RNF123: variants seen among roughly 807,000 people sequenced by gnomAD.
RNF123 encodes E3 ubiquitin-protein ligase RNF123.
RNF123 carries 86 observed loss-of-function variants against 168.5 expected under a neutral mutation model. The ratio of observed to expected loss-of-function variants is 0.51; its 90% confidence interval spans 0.43 to 0.61. The LOEUF (loss-of-function observed/expected upper bound fraction) is 0.61, where lower values mean the gene tolerates loss of function less well. Among genes scored for constraint, RNF123 ranks in the 20% least tolerant of loss-of-function variants. The pLI, the probability that RNF123 is intolerant of heterozygous loss-of-function variation, is 0.00. For missense variants in RNF123, 1,419 were observed against 1,729.7 expected (o/e 0.82, Z 3.19); for synonymous variants, 666 against 689.1 (o/e 0.97, Z 0.52).
chr3:49,715,478 T>C, intron 31 of RNF123, 97 bp from the exon 32 acceptor site: 1 of 1,464,068 alleles, frequency 6.8e-7, no homozygotes, highest in Non-Finnish European at 9.4e-7. Context: ...CATCTTTCTG[T>C]CCTTATACCA....
At chr3:49,718,146 CGGTGT>C (rs1275945400) in intron 35 of RNF123, 2 of 1,613,186 alleles carry the variant, frequency 1.2e-6, no homozygotes, top group Admixed American at 3.3e-5. Context: ...GTGCGTCTGG[CGGTGT>C]GGTGCTGAGT....
At chr3:49,718,556 C>T in intron 35 of RNF123, 1 of 1,613,160 alleles carries the variant, frequency 6.2e-7, no homozygotes, top group Non-Finnish European at 8.5e-7. Flanking sequence ...ATGGCCGGGA[C>T]GCTGGTGTTG....
Position 49,721,425 on chromosome 3 carries a change from G to C in RNF123, c.*120G>C. 1 of 1,344,790 alleles carries C rather than the reference G, an allele frequency of 7.4e-7. No homozygotes were observed. The highest frequency in any genetic ancestry group is 1.1e-6 in the Non-Finnish European group (1 of 937,006). 83.3% of individuals were successfully genotyped at this position (1,344,790 alleles called of 1,614,324 possible). On this transcript the variant is annotated 3_prime_UTR_variant, in exon 39 of 39. Transcript: ENST00000327697. ...CCACACCACCACATCCAACCTCCTTGCCTGCCTGTATCCTCATTGGTGGGA... is the reference window on the plus strand; with the variant it reads ...CCACACCACCACATCCAACCTCCTTCCCTGCCTGTATCCTCATTGGTGGGA...
intron 13 of RNF123, 47 bp downstream of exon 13, chr3:49,700,399 T>G: frequency 1.2e-6 from 2 of 1,612,866 alleles, no homozygotes; most frequent in South Asian, 2.2e-5. Context: ...CAGTCTTCAC[T>G]GGGGTCGGGA....
At chr3:49,719,068 C>G (rs776512535) in intron 35 of RNF123, 3 of 1,613,688 alleles carry the variant, frequency 1.9e-6, no homozygotes, top group Admixed American at 1.7e-5. Flanking sequence ...CTCCAGCGCC[C>G]CCAGCCCGTC....
chr3:49,701,653 C>T (rs1491986), intron 16 of RNF123, 45 bp downstream of exon 16: 828,163 of 1,552,088 alleles, frequency 0.53, 226,704 homozygotes, highest in East Asian at 0.79. Context: ...TGGCAAGGCC[C>T]CTGGCCTGGG....
At position 49,701,505 on chromosome 3, in the gene RNF123, G is replaced by A. The variant is rs2054384119; in HGVS notation, c.1292G>A (p.Arg431His). ...LLSNVLFDVL[R>H]SVVFFYIKSP... is the part of the protein sequence containing the mutation. Reference sequence around the variant, plus strand: ...ACACCCGCCAGCTTCGACGTGCTCCGCTCCGTCGTCTTCTTTTACATCAAG... The same window carrying A: ...ACACCCGCCAGCTTCGACGTGCTCCACTCCGTCGTCTTCTTTTACATCAAG... The change falls in exon 16 of 39, where the codon CGC becomes CAC. Residue 431 changes from arginine to histidine, a missense_variant. Arg to His is a conservative substitution (Grantham distance 29). Around this residue, in one of 5 missense-constraint regions of RNF123, gnomAD observed 349 missense variants for 344.9 expected, o/e 1.01. Coordinates refer to ENST00000327697, the MANE Select transcript of RNF123 (RefSeq NM_022064.5). The A allele has an allele frequency of 1.2e-6, 2 of 1,613,588 alleles. No homozygotes were observed. The highest frequency in any genetic ancestry group is 1.7e-6 in the Non-Finnish European group (2 of 1,179,868).
chr3:49,706,417 G>A (rs1472283692), intron 25 of RNF123, among the ~76,000 whole-genome samples: 1 of 152,238 alleles, frequency 6.6e-6, no homozygotes, highest in East Asian at 1.9e-4. Context: ...CCTAGCCCAG[G>A]AAGGTGGGGC....
In RNF123 at chr3:49,699,654, C is replaced by T; in HGVS notation, c.880-14C>T. On this transcript the variant is annotated splice_polypyrimidine_tract_variant and intron_variant, in intron 11 of 38. Coordinates refer to ENST00000327697, the MANE Select transcript of RNF123 (RefSeq NM_022064.5). The surrounding 1 kb of genome is among the most constrained non-coding windows in gnomAD (Gnocchi z 4.8). ...CCTGCCCCTCACACTTCTCCCTCCT[C>T]CCCCTCCACACAGGAGGGGCGGCTG... is the stretch of plus-strand genomic sequence containing the variant. The T allele has an allele frequency of 6.2e-7, 1 of 1,612,576 alleles. No individual in the cohort carries two copies.
rs1004716062 is a variant in RNF123 at position 49,697,945 on chromosome 3, AC to A, written c.397+8del. On this transcript the variant is annotated splice_region_variant and intron_variant, in intron 6 of 38. Transcript: ENST00000327697. ...TACCACATGCGTGTACAAAGGTGAGACCTTACCCTGCTGTGGCCTAGGTAGT... is the reference window on the plus strand; with the variant it reads ...TACCACATGCGTGTACAAAGGTGAGACTTACCCTGCTGTGGCCTAGGTAGT... 6.2e-7 allele frequency: 1 copy of A among 1,614,048 alleles called. No homozygotes were observed. The highest frequency in any genetic ancestry group is 1.3e-5 in the African/African-American group (1 of 74,918).
In RNF123 at chr3:49,721,339, C is replaced by T. The variant is rs1553691516; in HGVS notation, c.*34C>T. The T allele has an allele frequency of 6.2e-7, 1 of 1,614,076 alleles. No homozygotes were observed. Among genetic ancestry groups the T allele is most frequent in the Admixed American group, 1.7e-5 (1 of 60,018 alleles). On this transcript the variant is annotated 3_prime_UTR_variant, in exon 39 of 39. Coordinates refer to ENST00000327697, the MANE Select transcript of RNF123 (RefSeq NM_022064.5). ...GCCTGTGCCATCCTGGAACCTCCAC[C>T]TTTGAACCCAGAGCCAGGCTGGGCC...
rs1575526768 is a variant in RNF123, at chr3:49,702,164, C to T, written c.1557+20C>T. On this transcript the variant is annotated intron_variant, in intron 18 of 38. Transcript: ENST00000327697. ...AATGGGGTGAGTGACTCCCAGGAGC[C>T]CTGGGTGGGGCCCTGTGGGGAGGGA... is the stretch of plus-strand genomic sequence containing the variant. 2.5e-6 allele frequency: 4 copies of T among 1,613,532 alleles called. No homozygotes were observed. In the East Asian group the frequency reaches 8.9e-5, roughly 36 times the overall value.
chr3:49,706,253 GC>G (rs35504478), intron 25 of RNF123, among the ~76,000 whole-genome samples, 188 bp downstream of exon 25: 3 of 152,172 alleles, frequency 2.0e-5, no homozygotes, highest in Admixed American at 1.3e-4. Context: ...GTGCCTAGGT[GC>G]CCCCCACCCC....
At chr3:49,702,038 C>G (rs781181212) in intron 17 of RNF123, 45 bp from the exon 18 acceptor site, 1 of 1,601,194 alleles carries the variant, frequency 6.2e-7, no homozygotes. Context: ...AACCTGCCCC[C>G]CATCTCCTGG....
rs1051660653 is a variant in RNF123, at chr3:49,720,854, A to G, written c.3698A>G (p.His1233Arg). The change falls in exon 37 of 39, where the codon CAC becomes CGC. Residue 1233 changes from histidine to arginine, a missense_variant. Transcript: ENST00000327697. ...ELAQVEQMLA[H>R]LTSASAQAAA... is the part of the protein sequence containing the mutation. ...GCCCAAGTGGAACAGATGCTGGCGCACCTGACCTCTGCATCTGCCCAGGCA... is the reference window on the plus strand; with the variant it reads ...GCCCAAGTGGAACAGATGCTGGCGCGCCTGACCTCTGCATCTGCCCAGGCA... 6.2e-7 allele frequency: 1 copy of G among 1,614,026 alleles called. No individual in the cohort carries two copies.
intron 35 of RNF123, 48 bp downstream of exon 35, chr3:49,716,525 T>TGAGGAGGGGC (rs1559688439): frequency 6.6e-7 from 1 of 1,524,828 alleles, no homozygotes; most frequent in Non-Finnish European, 9.1e-7. Context: ...GTGTGTCTGG[T>TGAGGAGGGGC]GAGGAGGGGC....
At chr3:49,718,433 G>C in intron 35 of RNF123, 1 of 1,612,912 alleles carries the variant, frequency 6.2e-7, no homozygotes, top group Non-Finnish European at 8.5e-7. Flanking sequence ...CCCGCATGCT[G>C]CTCCTGTACG....
rs1305277780 is a variant in RNF123, at chr3:49,713,500, C to G, written c.2675-13C>G. 1.9e-6 allele frequency: 3 copies of G among 1,602,022 alleles called. No homozygotes were observed. The highest frequency in any genetic ancestry group is 1.1e-5 in the South Asian group (1 of 89,132). On this transcript the variant is annotated splice_polypyrimidine_tract_variant and intron_variant, in intron 27 of 38. Coordinates refer to ENST00000327697, the MANE Select transcript of RNF123 (RefSeq NM_022064.5). The stretch of plus-strand genomic sequence containing the variant: ...CACTCCCAGCCGACACGTCTCACTT[C>G]CCACCCTTGCAGGCTATGAAGAGAC...
At chr3:49,692,453 C>T (rs1392408992) in intron 3 of RNF123, among the ~76,000 whole-genome samples, 1 of 152,120 alleles carries the variant, frequency 6.6e-6, no homozygotes, top group African/African-American at 2.4e-5. Context: ...ATGGGGTATC[C>T]ATCCCCTCAA....
Sources: allele counts gnomAD v4.1 joint callset (sites outside exome capture counted in the v4.1 genomes callset), GRCh38; gene constraint gnomAD v4.1.1; regional missense constraint gnomAD v4.1.1; non-coding constraint Gnocchi (gnomAD v3.1); transcripts MANE v1.5; gene names NCBI Gene and HGNC (gene_info 2026-07-23, HGNC 2026-07-21).